Variants in NRCAM observed in about 807,000 individuals in gnomAD.
NRCAM encodes NgCAM-related cell adhesion molecule.
A neutral mutation model predicts 156.5 loss-of-function variants in NRCAM; 83 were observed. The observed-to-expected ratio is 0.53, with a 90% confidence interval of 0.44 to 0.64. The LOEUF (loss-of-function observed/expected upper bound fraction) is 0.64, where lower values mean the gene tolerates loss of function less well. NRCAM is among the 30% of genes least tolerant of loss of function. NRCAM has a pLI of 0.00. For synonymous variants in NRCAM, 538 were observed against 563.9 expected (o/e 0.95, Z 0.65); for missense variants, 1,417 against 1,597.3 (o/e 0.89, Z 1.92).
At chr7:108,427,667 T>A (rs1819089624) in intron 1 of NRCAM, among the ~76,000 whole-genome samples, 1 of 152,136 alleles carries the variant, frequency 6.6e-6, no homozygotes, top group Non-Finnish European at 1.5e-5. Context: ...TATAAATACT[T>A]CAAAAAAGAG....
rs115603936 is a variant in NRCAM, at chr7:108,373,399, A to G, written c.-174+26037T>C. Among the ~76,000 whole-genome samples, 933 of 152,294 alleles carry G rather than the reference A, an allele frequency of 6.1e-3. 9 individuals carry two copies. Among genetic ancestry groups the G allele is most frequent in the African/African-American group, 0.021 (870 of 41,556 alleles). ...ATTTTTAATGTGAAAGGCTGCTTCAAAAAATGGCACAAGGACATGGATATG... is the reference window on the plus strand; with the variant it reads ...ATTTTTAATGTGAAAGGCTGCTTCAGAAAATGGCACAAGGACATGGATATG... On this transcript the variant is annotated intron_variant, in intron 2 of 32. Transcript: ENST00000379028.
At position 108,260,966 on chromosome 7, in the gene NRCAM, T is replaced by C. The variant is rs186831853; in HGVS notation, c.-106-20796A>G. 3.3e-5 allele frequency among the ~76,000 whole-genome samples: 5 copies of C among 152,228 alleles called. No individual in the cohort carries two copies. The East Asian group carries it at 9.7e-4, about 29-fold the overall frequency. On this transcript the variant is annotated intron_variant, in intron 3 of 32. Transcript: ENST00000379028. The stretch of plus-strand genomic sequence containing the variant: ...GTATCAATAAGAATCAACTGGTTGA[T>C]TGCATAGAGGCATCTAAGCAGGCCA...
At chr7:108,310,410 G>T (rs1275814744) in intron 3 of NRCAM, among the ~76,000 whole-genome samples, 1 of 152,176 alleles carries the variant, frequency 6.6e-6, no homozygotes, top group Non-Finnish European at 1.5e-5. Flanking sequence ...ACACATTAGG[G>T]TTAATGGCAA....
chr7:108,256,687 A>G (rs1381063021), intron 3 of NRCAM, among the ~76,000 whole-genome samples: 1 of 152,210 alleles, frequency 6.6e-6, no homozygotes, highest in Non-Finnish European at 1.5e-5. Context: ...GACCCAAAAG[A>G]CCATCTATGA....
At chr7:108,253,356 G>C (rs958370252) in intron 3 of NRCAM, among the ~76,000 whole-genome samples, 73 of 152,270 alleles carry the variant, frequency 4.8e-4, no homozygotes, top group African/African-American at 1.7e-3. Flanking sequence ...GTGTTCAAGA[G>C]GGAAGAGGAA....
chr7:108,225,512 T>G, intron 10 of NRCAM, 133 bp downstream of exon 10: 1 of 710,602 alleles, frequency 1.4e-6, no homozygotes, highest in Non-Finnish European at 2.5e-6. Context: ...GAAACATACA[T>G]TTATACTAGT....
At chr7:108,279,135 T>C (rs1025256797) in intron 3 of NRCAM, among the ~76,000 whole-genome samples, 2 of 152,182 alleles carry the variant, frequency 1.3e-5, no homozygotes. Flanking sequence ...AGATGAGTTA[T>C]TTGGTGTTAA....
intron 2 of NRCAM, among the ~76,000 whole-genome samples, chr7:108,377,640 G>C (rs558082009): frequency 1.4e-4 from 21 of 152,192 alleles, no homozygotes; most frequent in African/African-American, 4.8e-4. Flanking sequence ...TCAATACCCA[G>C]AGCAAGAGTG....
intron 12 of NRCAM, among the ~76,000 whole-genome samples, chr7:108,208,063 G>A (rs765882224): frequency 1.1e-4 from 17 of 151,668 alleles, no homozygotes; most frequent in Admixed American, 2.0e-4. Flanking sequence ...GGAAGCCAAA[G>A]TGGCTGGATC....
At chr7:108,401,458 T>C (rs2099792487) in intron 1 of NRCAM, among the ~76,000 whole-genome samples, 1 of 151,664 alleles carries the variant, frequency 6.6e-6, no homozygotes, top group African/African-American at 2.4e-5. Context: ...AGAGGATAGT[T>C]TGAGCCAGTG....
intron 25 of NRCAM, among the ~76,000 whole-genome samples, chr7:108,178,628 C>T (rs1453068386): frequency 6.6e-6 from 1 of 152,206 alleles, no homozygotes; most frequent in African/African-American, 2.4e-5. Flanking sequence ...TGCCCAGGAT[C>T]TGGTGGTGAA....
chr7:108,397,372 A>T (rs924935735), intron 2 of NRCAM, among the ~76,000 whole-genome samples: 1 of 152,198 alleles, frequency 6.6e-6, no homozygotes, highest in Admixed American at 6.5e-5. Flanking sequence ...AATCAAATAA[A>T]ATTCACTCAA....
intron 3 of NRCAM, among the ~76,000 whole-genome samples, chr7:108,257,445 G>A (rs1417250907): frequency 6.6e-6 from 1 of 152,078 alleles, no homozygotes; most frequent in African/African-American, 2.4e-5. Context: ...CTTTGCCCCG[G>A]GTAAGTGCTT....
At position 108,223,705 on chromosome 7, in the gene NRCAM, G is replaced by T; in HGVS notation, c.890+20C>A. On this transcript the variant is annotated intron_variant, in intron 11 of 32. Coordinates refer to ENST00000379028, the MANE Select transcript of NRCAM (RefSeq NM_001037132.4). ...TATTTTTATAAGAAATGTACTTCAG[G>T]ACAGAAAGTGTTAACTCACAGTCCT... is the stretch of plus-strand genomic sequence containing the variant. 8.3e-7 allele frequency: 1 copy of T among 1,203,258 alleles called. No homozygotes were observed. The allele number at this position is 1,203,258 out of a possible 1,614,324, so 74.5% of individuals were successfully genotyped here.
intron 1 of NRCAM, among the ~76,000 whole-genome samples, chr7:108,403,501 A>T (rs1462300501): frequency 6.6e-6 from 1 of 152,228 alleles, no homozygotes; most frequent in Non-Finnish European, 1.5e-5. Context: ...AGTGTATGTC[A>T]TTACTTAAAA....
intron 28 of NRCAM, among the ~76,000 whole-genome samples, chr7:108,172,983 ATTTTTTTT>A (rs143144704): frequency 8.4e-6 from 1 of 118,776 alleles, no homozygotes; most frequent in African/African-American, 3.4e-5. Flanking sequence ...TGAGATGTTG[ATTTTTTTT>A]TTTTTTTTTT....
chr7:108,440,214 T>C (rs1304968827), intron 1 of NRCAM, among the ~76,000 whole-genome samples: 1 of 152,106 alleles, frequency 6.6e-6, no homozygotes, highest in African/African-American at 2.4e-5. Context: ...TCAAAAACAT[T>C]ATGCTACCTC....
At chr7:108,177,207 A>T (rs1012715304) in intron 26 of NRCAM, among the ~76,000 whole-genome samples, 1 of 152,214 alleles carries the variant, frequency 6.6e-6, no homozygotes, top group African/African-American at 2.4e-5. Flanking sequence ...AGTTAAGTTA[A>T]ACACCACATG....
intron 1 of NRCAM, among the ~76,000 whole-genome samples, chr7:108,453,695 A>C (rs1853179160): frequency 1.3e-5 from 2 of 152,246 alleles, no homozygotes; most frequent in Admixed American, 6.5e-5. Flanking sequence ...AGGTTGAAAC[A>C]AGACTATGAG....
Sources: allele counts gnomAD v4.1 joint callset (sites outside exome capture counted in the v4.1 genomes callset), GRCh38; gene constraint gnomAD v4.1.1; transcripts MANE v1.5; gene names NCBI Gene and HGNC (gene_info 2026-07-23, HGNC 2026-07-21).